Variants in SPSB4 observed in about 807,000 individuals in gnomAD.
The protein encoded by SPSB4 is splA/ryanodine receptor domain and SOCS box containing 4.
In SPSB4, 21 loss-of-function variants were observed where a neutral mutation model predicts 20.9. The observed-to-expected ratio is 1.01, with a 90% confidence interval of 0.71 to 1.45. SPSB4 has a LOEUF of 1.45. Among genes scored for constraint, SPSB4 ranks in the 40% most tolerant of loss-of-function variants. SPSB4 has a pLI of 0.00. For missense variants in SPSB4, 399 were observed against 399.2 expected (o/e 1.00, Z 0.00); for synonymous variants, 207 against 183.8 (o/e 1.13, Z -1.02).
At chr3:141,124,450 G>A (rs1051899662) in intron 2 of SPSB4, among the ~76,000 whole-genome samples, 1 of 152,178 alleles carries the variant, frequency 6.6e-6, no homozygotes, top group East Asian at 1.9e-4. Context: ...CCGTAATGAT[G>A]AGAACCACTC....
At chr3:141,070,536 C>T (rs79440062) in intron 2 of SPSB4, among the ~76,000 whole-genome samples, 4,483 of 152,030 alleles carry the variant, frequency 0.029, 104 homozygotes, top group Non-Finnish European at 0.047. Flanking sequence ...GAGGTAATGG[C>T]TAATTTAAAA....
chr3:141,136,610 G>A (rs201354491), intron 2 of SPSB4, among the ~76,000 whole-genome samples: 4 of 152,216 alleles, frequency 2.6e-5, no homozygotes, highest in African/African-American at 7.2e-5. Flanking sequence ...CTTTCCCCAT[G>A]GCTTGTTTTT....
chr3:141,124,294 CAG>C (rs1939016900), intron 2 of SPSB4: 1 of 152,334 alleles, frequency 6.6e-6, no homozygotes, highest in Admixed American at 6.5e-5. Context: ...AACAGTTCTA[CAG>C]AGATTCAGGG....
intron 2 of SPSB4, among the ~76,000 whole-genome samples, chr3:141,076,255 C>A (rs1055624472): frequency 2.0e-5 from 3 of 152,224 alleles, no homozygotes; most frequent in Non-Finnish European, 4.4e-5. Flanking sequence ...CTGCTCCCGA[C>A]AAGGCAGCTA....
intron 2 of SPSB4, among the ~76,000 whole-genome samples, chr3:141,083,590 G>C (rs1222054584): frequency 6.6e-6 from 1 of 151,952 alleles, no homozygotes; most frequent in Non-Finnish European, 1.5e-5. Context: ...ATCCCCCGGC[G>C]GGCAAGTCTC....
chr3:141,140,833 G>A (rs113728119), intron 2 of SPSB4, among the ~76,000 whole-genome samples: 2,754 of 152,310 alleles, frequency 0.018, 81 homozygotes, highest in African/African-American at 0.063. Flanking sequence ...TGCGTGCTGG[G>A]AGAACCACTA....
At chr3:141,110,790 C>A (rs1261814544) in intron 2 of SPSB4, among the ~76,000 whole-genome samples, 1 of 152,196 alleles carries the variant, frequency 6.6e-6, no homozygotes, top group African/African-American at 2.4e-5. Flanking sequence ...CACCTAACTT[C>A]AAGTGAGTAG....
intron 2 of SPSB4, among the ~76,000 whole-genome samples, chr3:141,067,887 G>A (rs1937921828): frequency 1.3e-5 from 2 of 152,208 alleles, no homozygotes; most frequent in African/African-American, 4.8e-5. Context: ...AATAAGAGAT[G>A]TAATTACCAG....
intron 2 of SPSB4, among the ~76,000 whole-genome samples, chr3:141,141,346 A>G (rs772096668): frequency 3.9e-5 from 6 of 152,032 alleles, no homozygotes; most frequent in Non-Finnish European, 8.8e-5. Flanking sequence ...TCCTGTACCC[A>G]CTGTCCGGCA....
chr3:141,073,979 C>T (rs1489729700), intron 2 of SPSB4, among the ~76,000 whole-genome samples: 1 of 152,214 alleles, frequency 6.6e-6, no homozygotes, highest in Non-Finnish European at 1.5e-5. Context: ...TGCTGTGGCC[C>T]TTCTTTGAAG....
intron 1 of SPSB4, among the ~76,000 whole-genome samples, chr3:141,053,182 T>G (rs1197932546): frequency 6.6e-6 from 1 of 152,028 alleles, no homozygotes; most frequent in East Asian, 1.9e-4. Flanking sequence ...TCTCAGACTC[T>G]GAGCCCTCTA....
intron 2 of SPSB4, among the ~76,000 whole-genome samples, chr3:141,104,822 T>C (rs1221026075): frequency 6.6e-6 from 1 of 152,156 alleles, no homozygotes; most frequent in African/African-American, 2.4e-5. Context: ...CTGGGAAAAA[T>C]AAAGCGTCAC....
intron 2 of SPSB4, among the ~76,000 whole-genome samples, chr3:141,095,236 G>A (rs1450259983): frequency 1.3e-5 from 2 of 152,184 alleles, no homozygotes; most frequent in Non-Finnish European, 1.5e-5. Context: ...GAGTTGCTGT[G>A]CTGCCGAGAC....
At chr3:141,089,970 G>T (rs1412183930) in intron 2 of SPSB4, among the ~76,000 whole-genome samples, 3 of 152,050 alleles carry the variant, frequency 2.0e-5, no homozygotes, top group African/African-American at 7.2e-5. Flanking sequence ...ACTTGTCTTG[G>T]TTGGTGTTGG....
At chr3:141,131,787 G>A (rs1289810492) in intron 2 of SPSB4, among the ~76,000 whole-genome samples, 1 of 152,144 alleles carries the variant, frequency 6.6e-6, no homozygotes, top group African/African-American at 2.4e-5. Flanking sequence ...ATGCTCCTAT[G>A]AGCATTTGTG....
intron 2 of SPSB4, among the ~76,000 whole-genome samples, chr3:141,108,686 G>A (rs1347680465): frequency 1.3e-5 from 2 of 152,250 alleles, no homozygotes; most frequent in Non-Finnish European, 2.9e-5. Context: ...TCAGTGAGAT[G>A]AGCATTAATA....
chr3:141,084,279 G>A (rs1938300590), intron 2 of SPSB4, among the ~76,000 whole-genome samples: 1 of 152,082 alleles, frequency 6.6e-6, no homozygotes, highest in South Asian at 2.1e-4. Context: ...GGCTTGCTCA[G>A]CCTCTGAAGG....
At chr3:141,077,167 T>C (rs997967244) in intron 2 of SPSB4, 4 of 152,232 alleles carry the variant, frequency 2.6e-5, no homozygotes, top group Admixed American at 6.5e-5. Context: ...TAATGGCCCT[T>C]CTTCGTCAGA....
At chr3:141,132,930 G>A (rs772409937) in intron 2 of SPSB4, among the ~76,000 whole-genome samples, 38 of 150,844 alleles carry the variant, frequency 2.5e-4, no homozygotes, top group Non-Finnish European at 4.6e-4. Context: ...GTGTAAAAGT[G>A]TTCCATTTTC....
Sources: allele counts gnomAD v4.1 joint callset (sites outside exome capture counted in the v4.1 genomes callset), GRCh38; gene constraint gnomAD v4.1.1; transcripts MANE v1.5; gene names NCBI Gene and HGNC (gene_info 2026-07-23, HGNC 2026-07-21).